Variants in NEGR1 observed in about 807,000 individuals in gnomAD.
NEGR1 encodes neuronal growth regulator 1.
NEGR1 carries 10 observed loss-of-function variants against 40.9 expected under a neutral mutation model. That is an observed-to-expected ratio of 0.24 (90% CI 0.15 to 0.42). NEGR1 has a LOEUF of 0.42. Ranked by LOEUF, NEGR1 falls within the 10% of genes least tolerant of loss-of-function variation. NEGR1 has a pLI of 1.00. For missense variants in NEGR1, 352 were observed against 438.9 expected, an observed-to-expected ratio of 0.80 and a Z score of 1.77; for synonymous variants, 185 against 166.8, an observed-to-expected ratio of 1.11 and a Z score of -0.84.
intron 3 of NEGR1, among the ~76,000 whole-genome samples, chr1:71,761,965 T>C (rs960280299): frequency 1.7e-4 from 26 of 152,202 alleles, no homozygotes; most frequent in African/African-American, 6.0e-4. Flanking sequence ...AAAACTATAG[T>C]ACATTATCAT....
chr1:71,433,692 C>T (rs1435404761), intron 6 of NEGR1, among the ~76,000 whole-genome samples: 1 of 152,128 alleles, frequency 6.6e-6, no homozygotes, highest in Non-Finnish European at 1.5e-5. Flanking sequence ...AAACAGTCCT[C>T]ATGATTCAAA....
chr1:71,634,296 C>T (rs1479990522), intron 4 of NEGR1, among the ~76,000 whole-genome samples: 2 of 152,050 alleles, frequency 1.3e-5, no homozygotes, highest in African/African-American at 2.4e-5. Context: ...AAGTAAAGAG[C>T]AGGTGCACCC....
chr1:72,208,782 T>C (rs1004081220), intron 1 of NEGR1, among the ~76,000 whole-genome samples: 1 of 151,688 alleles, frequency 6.6e-6, no homozygotes, highest in Non-Finnish European at 1.5e-5. Flanking sequence ...CTACTTTGTT[T>C]AAACATCTTA....
At chr1:71,758,018 T>C (rs1365290081) in intron 3 of NEGR1, among the ~76,000 whole-genome samples, 1 of 152,020 alleles carries the variant, frequency 6.6e-6, no homozygotes, top group African/African-American at 2.4e-5. Context: ...GTAACAACCC[T>C]GTTACATTGC....
chr1:71,898,656 G>A (rs188838917), intron 2 of NEGR1, among the ~76,000 whole-genome samples: 3,034 of 133,464 alleles, frequency 0.023, 61 homozygotes, highest in South Asian at 0.11. Context: ...CAAAAAAACT[G>A]CTTTGTTTTT....
rs1173828105 is a variant in NEGR1, at chr1:71,875,123, A to G, written c.409+59956T>C. ...CAGCCTTTCAAAGTGCTGGGGTTACAAGTTTCAGCCACTGTGCCTGGCCAA... is the reference window on the plus strand; with the variant it reads ...CAGCCTTTCAAAGTGCTGGGGTTACGAGTTTCAGCCACTGTGCCTGGCCAA... On this transcript the variant is annotated intron_variant, in intron 2 of 6. Transcript: ENST00000357731. Among the ~76,000 whole-genome samples, 4 of 152,266 alleles carry G rather than the reference A, an allele frequency of 2.6e-5. No individual in the cohort carries two copies. The East Asian group carries it at 7.7e-4, about 29-fold the overall frequency.
In NEGR1 at chr1:71,477,172, T is replaced by C. The variant is rs542545900; in HGVS notation, c.941-69602A>G. Among the ~76,000 whole-genome samples the C allele has an allele frequency of 5.9e-5, 9 of 152,272 alleles. No individual in the cohort carries two copies. In the East Asian group the frequency reaches 1.4e-3, roughly 23 times the overall value. On this transcript the variant is annotated intron_variant, in intron 6 of 6. Coordinates refer to ENST00000357731, the MANE Select transcript of NEGR1 (RefSeq NM_173808.3). ...CTTAACCAGTGCAGTTTAAAGTGTTTTTAAAAAGGCAACCTTGCTTAATAT... is the reference window on the plus strand; with the variant it reads ...CTTAACCAGTGCAGTTTAAAGTGTTCTTAAAAAGGCAACCTTGCTTAATAT...
rs1042687699 is a variant in NEGR1 at position 71,483,462 on chromosome 1, G to A, written c.941-75892C>T. ...AATAATTCATAATAGAGATGATGGTGTGAGTATTACAGGTTAAGCTACAAT... is the reference window on the plus strand; with the variant it reads ...AATAATTCATAATAGAGATGATGGTATGAGTATTACAGGTTAAGCTACAAT... On this transcript the variant is annotated intron_variant, in intron 6 of 6. Coordinates refer to ENST00000357731, the MANE Select transcript of NEGR1 (RefSeq NM_173808.3). Among the ~76,000 whole-genome samples the A allele has an allele frequency of 8.4e-4, 128 of 151,768 alleles. 1 individual carries two copies. Among genetic ancestry groups the A allele is most frequent in the African/African-American group, 3.0e-3 (126 of 41,364 alleles).
intron 3 of NEGR1, among the ~76,000 whole-genome samples, chr1:71,759,423 A>C (rs1428739336): frequency 6.9e-6 from 1 of 143,986 alleles, no homozygotes; most frequent in Admixed American, 7.2e-5. Flanking sequence ...TCAGCCTCCC[A>C]AGTTGCTAGA....
intron 1 of NEGR1, among the ~76,000 whole-genome samples, chr1:72,048,834 T>A (rs1647028269): frequency 6.6e-6 from 1 of 151,504 alleles, no homozygotes; most frequent in African/African-American, 2.4e-5. Context: ...CATTTTTTTT[T>A]GTTCTGAAAC....
At chr1:71,629,610 G>A (rs935397090) in intron 4 of NEGR1, among the ~76,000 whole-genome samples, 2 of 151,824 alleles carry the variant, frequency 1.3e-5, no homozygotes, top group African/African-American at 2.4e-5. Flanking sequence ...AGTTCTGGCC[G>A]GGGCAATCAG....
chr1:72,126,230 C>G (rs1023135920), intron 1 of NEGR1, among the ~76,000 whole-genome samples: 10 of 151,634 alleles, frequency 6.6e-5, no homozygotes, highest in African/African-American at 2.4e-4. Context: ...ATTACTATTT[C>G]TATATTATTC....
At chr1:71,530,261 T>C (rs1647312594) in intron 6 of NEGR1, among the ~76,000 whole-genome samples, 1 of 151,390 alleles carries the variant, frequency 6.6e-6, no homozygotes, top group Admixed American at 6.6e-5. Context: ...TGGATAACAT[T>C]TTTTAAAGCT....
intron 1 of NEGR1, among the ~76,000 whole-genome samples, chr1:72,034,418 A>T (rs140626959): frequency 1.3e-5 from 2 of 152,282 alleles, no homozygotes; most frequent in African/African-American, 4.8e-5. Flanking sequence ...TTTGCTTGCT[A>T]CTAATTAATT....
chr1:71,914,586 T>C (rs2101876338), intron 2 of NEGR1, among the ~76,000 whole-genome samples: 1 of 152,344 alleles, frequency 6.6e-6, no homozygotes, highest in South Asian at 2.1e-4. Flanking sequence ...GCCCCTTCTC[T>C]CTTTCCTAGA....
At chr1:72,105,154 C>T (rs1649089288) in intron 1 of NEGR1, among the ~76,000 whole-genome samples, 1 of 152,112 alleles carries the variant, frequency 6.6e-6, no homozygotes, top group South Asian at 2.1e-4. Flanking sequence ...TGCCTCCAAA[C>T]TATTCTCTAT....
intron 4 of NEGR1, among the ~76,000 whole-genome samples, chr1:71,625,616 T>G (rs1454099435): frequency 6.6e-6 from 1 of 151,646 alleles, no homozygotes; most frequent in East Asian, 1.9e-4. Context: ...ACTCCATGGA[T>G]ACTGAGGGAT....
chr1:72,111,278 G>T (rs1463404944), intron 1 of NEGR1, among the ~76,000 whole-genome samples: 3 of 151,628 alleles, frequency 2.0e-5, no homozygotes, highest in Non-Finnish European at 2.9e-5. Flanking sequence ...CTGAAATGCT[G>T]TGAGGATTAA....
chr1:71,971,494 C>T (rs927057319), intron 1 of NEGR1, among the ~76,000 whole-genome samples: 3 of 152,110 alleles, frequency 2.0e-5, no homozygotes, highest in South Asian at 4.1e-4. Context: ...AGATTATACA[C>T]ATGAAATATG....
Sources: allele counts gnomAD v4.1 joint callset (sites outside exome capture counted in the v4.1 genomes callset), GRCh38; gene constraint gnomAD v4.1.1; transcripts MANE v1.5; gene names NCBI Gene and HGNC (gene_info 2026-07-23, HGNC 2026-07-21).